The following COL13A1 variants were observed in gnomAD, a reference collection of about 807,000 sequenced individuals.
COL13A1 encodes the protein collagen alpha-1(XIII) chain.
Under a neutral mutation model 130.9 loss-of-function variants are expected in COL13A1, and 89 were observed. That is an observed-to-expected ratio of 0.68 (90% confidence interval 0.57 to 0.81). COL13A1 has a LOEUF of 0.81. COL13A1 is among the 30% of genes least tolerant of loss of function. The probability of loss-of-function intolerance (pLI) is 0.00; values close to 1 mark genes in which losing one functional copy is unlikely to be tolerated. For missense variants in COL13A1, 879 were observed against 934.6 expected (o/e 0.94, Z 0.78); for synonymous variants, 402 against 341.6 (o/e 1.18, Z -1.95).
At chr10:69,893,795 C>G (rs574600978) in intron 10 of COL13A1, among the ~76,000 whole-genome samples, 1 of 152,216 alleles carries the variant, frequency 6.6e-6, no homozygotes, top group African/African-American at 2.4e-5. Context: ...GGAGTGGACA[C>G]AAGCATCTCC....
intron 34 of COL13A1, among the ~76,000 whole-genome samples, chr10:69,939,633 C>A (rs571614727): frequency 6.6e-6 from 1 of 152,248 alleles, no homozygotes; most frequent in Non-Finnish European, 1.5e-5. Flanking sequence ...AGAAGCAATT[C>A]TCAATGCTGG....
intron 21 of COL13A1, among the ~76,000 whole-genome samples, chr10:69,920,713 G>A (rs1240122494): frequency 6.6e-6 from 1 of 152,220 alleles, no homozygotes; most frequent in African/African-American, 2.4e-5. Flanking sequence ...CAGACTTCCA[G>A]CATCCAGAAC....
chr10:69,887,578 C>T, intron 8 of COL13A1, 87 bp downstream of exon 8: 2 of 1,411,370 alleles, frequency 1.4e-6, no homozygotes, highest in African/African-American at 1.4e-5. Context: ...AGCCCCGGTT[C>T]CACTCTTTCT....
intron 5 of COL13A1, 71 bp downstream of exon 5, chr10:69,875,234 C>T (rs144531183): frequency 1.9e-6 from 3 of 1,582,262 alleles, no homozygotes; most frequent in East Asian, 4.5e-5. Flanking sequence ...TCCTCTAAAC[C>T]ATGGCAATGT....
At chr10:69,923,694 G>A in intron 23 of COL13A1, 108 bp from the exon 24 acceptor site, 2 of 1,404,254 alleles carry the variant, frequency 1.4e-6, no homozygotes, top group African/African-American at 1.4e-5. Context: ...CAGGGAAAGA[G>A]AAGTCCAAGG....
At position 69,950,011 on chromosome 10, in the gene COL13A1, C is replaced by T. The variant is rs143628055; in HGVS notation, c.2058+2669C>T. Among the ~76,000 whole-genome samples, 86 of 78,724 alleles carry T rather than the reference C, an allele frequency of 1.1e-3. 1 individual carries two copies. Among genetic ancestry groups the T allele is most frequent in the African/African-American group, 4.0e-3 (83 of 20,586 alleles). 51.6% of individuals were successfully genotyped at this position (78,724 alleles called of 152,430 possible). A position where few individuals can be genotyped will look rare whatever the true frequency, so the allele number is the denominator to read the frequency against. The stretch of plus-strand genomic sequence containing the variant: ...GTGTTTGTGTGTGCGTGTGTGTGTA[C>T]GTCTCACTTCCTAAGTCCGTCTTGT... On this transcript the variant is annotated intron_variant, in intron 38 of 40. Transcript: ENST00000645393.
chr10:69,901,268 G>A (rs373512984), intron 14 of COL13A1, among the ~76,000 whole-genome samples: 7 of 152,326 alleles, frequency 4.6e-5, no homozygotes, highest in African/African-American at 1.7e-4. Flanking sequence ...GCCCTAAAGT[G>A]GCTTCTCAGA....
chr10:69,808,106 G>A (rs940927263), intron 1 of COL13A1, among the ~76,000 whole-genome samples: 7 of 152,180 alleles, frequency 4.6e-5, no homozygotes, highest in South Asian at 2.1e-4. Context: ...GAGCTCTGCC[G>A]CTTCTCCAAA....
rs183128261 is a variant in COL13A1, at chr10:69,839,591, T to C, written c.364+17153T>C. 3.3e-5 allele frequency among the ~76,000 whole-genome samples: 5 copies of C among 152,370 alleles called. No individual in the cohort carries two copies. The East Asian group carries it at 9.6e-4, about 29-fold the overall frequency. On this transcript the variant is annotated intron_variant, in intron 2 of 40. Transcript: ENST00000645393. ...AGATGATCCTGAGCATGAGAAGTGC[T>C]GTGCCTGAACTTGTCACAGCATAAA...
intron 2 of COL13A1, among the ~76,000 whole-genome samples, chr10:69,863,466 G>A (rs1234693497): frequency 6.6e-6 from 1 of 152,136 alleles, no homozygotes; most frequent in Non-Finnish European, 1.5e-5. Flanking sequence ...AGGCATGGGT[G>A]GGGGCTAGGA....
At chr10:69,810,337 G>A (rs1842636064) in intron 1 of COL13A1, among the ~76,000 whole-genome samples, 1 of 108,544 alleles carries the variant, frequency 9.2e-6, no homozygotes, top group African/African-American at 3.5e-5. Context: ...GACCTGGCAG[G>A]CCCTGAGAAT....
chr10:69,940,586 C>T (rs1055837715), intron 34 of COL13A1, among the ~76,000 whole-genome samples: 2 of 152,322 alleles, frequency 1.3e-5, no homozygotes, highest in East Asian at 3.9e-4. Context: ...CCAGTGAAAC[C>T]TGTCCTGGGA....
chr10:69,855,029 C>T (rs551845233), intron 2 of COL13A1, among the ~76,000 whole-genome samples: 3 of 152,184 alleles, frequency 2.0e-5, no homozygotes, highest in Non-Finnish European at 4.4e-5. Flanking sequence ...AGAATCCTAG[C>T]TCCACCGTTT....
At chr10:69,894,746 G>A in intron 12 of COL13A1, 45 bp downstream of exon 12, 1 of 1,612,344 alleles carries the variant, frequency 6.2e-7, no homozygotes, top group East Asian at 2.2e-5. Flanking sequence ...TCAGGAAATG[G>A]CCTCCCAGTT....
chr10:69,813,329 G>A (rs1420039803), intron 1 of COL13A1, among the ~76,000 whole-genome samples: 6 of 152,146 alleles, frequency 3.9e-5, no homozygotes, highest in African/African-American at 9.7e-5. Flanking sequence ...GACTCCTTGC[G>A]GCAGTAGCAG....
At chr10:69,849,850 A>G (rs1227749) in intron 2 of COL13A1, among the ~76,000 whole-genome samples, 1 of 152,200 alleles carries the variant, frequency 6.6e-6, no homozygotes, top group South Asian at 2.1e-4. Flanking sequence ...TCCTTGAACC[A>G]AGCACCTTAT....
intron 2 of COL13A1, among the ~76,000 whole-genome samples, chr10:69,840,726 G>A (rs1183464967): frequency 6.6e-6 from 1 of 152,164 alleles, no homozygotes; most frequent in Non-Finnish European, 1.5e-5. Flanking sequence ...AGGGATCTGG[G>A]TAAAAGAACA....
chr10:69,943,960 C>G (rs960638620), intron 35 of COL13A1, among the ~76,000 whole-genome samples, 165 bp from the exon 36 acceptor site: 1 of 152,206 alleles, frequency 6.6e-6, no homozygotes, highest in African/African-American at 2.4e-5. Flanking sequence ...GCCCCTGAAC[C>G]CAAAGAGGAT....
intron 2 of COL13A1, among the ~76,000 whole-genome samples, chr10:69,852,869 C>CTGGGG (rs1855309274): frequency 6.6e-6 from 1 of 152,110 alleles, no homozygotes; most frequent in Non-Finnish European, 1.5e-5. Context: ...CATTGCTGGG[C>CTGGGG]CTGGGGCTGC....
Sources: gnomAD v4.1 joint callset for allele counts (sites outside exome capture counted in the v4.1 genomes callset) on GRCh38, gnomAD v4.1.1 for gene constraint, MANE v1.5 for transcripts, NCBI Gene and HGNC (gene_info 2026-07-23, HGNC 2026-07-21) for gene names.